The following SLC66A2 variants were observed in gnomAD, a reference collection of about 807,000 sequenced individuals.
The protein encoded by SLC66A2 is solute carrier family 66 member 2.
Under a neutral mutation model 25.5 loss-of-function variants are expected in SLC66A2, and 23 were observed. That is an observed-to-expected ratio of 0.90 (90% confidence interval 0.65 to 1.28). SLC66A2 has a LOEUF of 1.28. Ranked by LOEUF, SLC66A2 falls within the 50% of genes most tolerant of loss-of-function variation. The probability of loss-of-function intolerance (pLI) is 0.00; values close to 1 mark genes in which losing one functional copy is unlikely to be tolerated. For missense variants in SLC66A2, 396 were observed against 373.1 expected (o/e 1.06, Z -0.51); for synonymous variants, 193 against 166.5 (o/e 1.16, Z -1.23).
In SLC66A2 at chr18:79,918,105, C is replaced by T. The variant is rs756804961; in HGVS notation, c.608+1079G>A. Among the ~76,000 whole-genome samples the T allele has an allele frequency of 4.6e-5, 7 of 152,094 alleles. No homozygotes were observed. The highest frequency in any genetic ancestry group is 2.1e-4 in the South Asian group (1 of 4,822). ...CAAGCCCTCCTACCTTTACCTCTCA[C>T]GGGCAACTGAACCTACACACAACCC... is the stretch of plus-strand genomic sequence containing the variant. On this transcript the variant is annotated intron_variant, in intron 5 of 5. Coordinates refer to ENST00000397778, the MANE Select transcript of SLC66A2 (RefSeq NM_025078.5). The surrounding 1 kb of genome is among the most constrained non-coding windows in gnomAD (Gnocchi z 4.0).
At chr18:79,910,976 G>GCC (rs1983024697) in intron 5 of SLC66A2, among the ~76,000 whole-genome samples, 1 of 152,274 alleles carries the variant, frequency 6.6e-6, no homozygotes, top group Non-Finnish European at 1.5e-5. Flanking sequence ...AACTTGGAAT[G>GCC]CCCCTGGCTG....
At chr18:79,925,514 C>T (rs1985842709) in intron 4 of SLC66A2, among the ~76,000 whole-genome samples, 1 of 152,158 alleles carries the variant, frequency 6.6e-6, no homozygotes, top group Admixed American at 6.5e-5. Flanking sequence ...AGAGGCCCAC[C>T]CTGGCATGCA....
At chr18:79,914,588 G>T (rs532530553) in intron 5 of SLC66A2, among the ~76,000 whole-genome samples, 1 of 152,144 alleles carries the variant, frequency 6.6e-6, no homozygotes, top group Non-Finnish European at 1.5e-5. Context: ...CCCAAGCTGC[G>T]TCTGGAGAGC....
At chr18:79,923,321 C>T (rs1346663667) in intron 4 of SLC66A2, among the ~76,000 whole-genome samples, 13 of 129,126 alleles carry the variant, frequency 1.0e-4, no homozygotes, top group Admixed American at 6.8e-4. Context: ...GGATGGTGGA[C>T]GGGCAGGCAG....
rs550440082 is a variant in SLC66A2 at position 79,904,651 on chromosome 18, C to T, written c.609-468G>A. Among the ~76,000 whole-genome samples, 1 of 152,152 alleles carries T rather than the reference C, an allele frequency of 6.6e-6. No homozygotes were observed. The highest frequency in any genetic ancestry group is 2.4e-5 in the African/African-American group (1 of 41,432). ...GAGGACGCAGATCTGTGCCCCCAGG[C>T]ACACAGCCAAGTGGAGCAGAGCAGC... On this transcript the variant is annotated intron_variant, in intron 5 of 5. Coordinates refer to ENST00000397778, the MANE Select transcript of SLC66A2 (RefSeq NM_025078.5). This position sits in a 1 kb window ranked among gnomAD's most constrained non-coding sequence, Gnocchi z 6.3.
At chr18:79,946,265 G>C (rs1015656901) in intron 2 of SLC66A2, among the ~76,000 whole-genome samples, 1 of 152,122 alleles carries the variant, frequency 6.6e-6, no homozygotes, top group African/African-American at 2.4e-5. Context: ...ATTTCAAAAA[G>C]CACAGTGTTC....
rs370408593 is a variant in SLC66A2, at chr18:79,937,384, G to C, written c.338-3362C>G. Among the ~76,000 whole-genome samples, 1 of 152,172 alleles carries C rather than the reference G, an allele frequency of 6.6e-6. No individual in the cohort carries two copies. The highest frequency in any genetic ancestry group is 2.1e-4 in the South Asian group (1 of 4,826). On this transcript the variant is annotated intron_variant, in intron 3 of 5. Coordinates refer to ENST00000397778, the MANE Select transcript of SLC66A2 (RefSeq NM_025078.5). The surrounding 1 kb of genome is among the most constrained non-coding windows in gnomAD (Gnocchi z 5.4). ...GGGAAGAACTGGAGCATTAACAAGCGTAATAATCCAGTAACACACCAAACG... is the reference window on the plus strand; with the variant it reads ...GGGAAGAACTGGAGCATTAACAAGCCTAATAATCCAGTAACACACCAAACG...
chr18:79,912,582 G>A (rs550391676), intron 5 of SLC66A2, among the ~76,000 whole-genome samples: 8 of 152,174 alleles, frequency 5.3e-5, no homozygotes, highest in Non-Finnish European at 7.3e-5. Flanking sequence ...TGAAAGGCAA[G>A]CCCATGGAGA....
At chr18:79,906,420 A>G (rs1982136652) in intron 5 of SLC66A2, among the ~76,000 whole-genome samples, 1 of 152,188 alleles carries the variant, frequency 6.6e-6, no homozygotes. Context: ...AAATTTTGAT[A>G]TGGTGGTGTA....
rs1984702966 is a variant in SLC66A2, at chr18:79,919,369, G to C, written c.423C>G (p.Ser141Arg). The change falls in exon 5 of 6, where the codon AGC becomes AGG. Residue 141 changes from serine (S) to arginine (R), a missense_variant. By Grantham distance (110) the Ser-to-Arg change is moderately radical. Coordinates refer to ENST00000397778, the MANE Select transcript of SLC66A2 (RefSeq NM_025078.5). ...DFDPHHFWQW[S>R]SFSDYVQCVL... The stretch of plus-strand genomic sequence containing the variant: ...CGCACTGCACGTAGTCCGAGAAGCT[G>C]CTCCACTGCCAGAAGTGGTGGGGGT... 3.7e-6 allele frequency: 6 copies of C among 1,613,210 alleles called. No individual in the cohort carries two copies. The highest frequency in any genetic ancestry group is 5.1e-6 in the Non-Finnish European group (6 of 1,180,026).
intron 2 of SLC66A2, chr18:79,947,295 CAG>C (rs1246092541): frequency 6.6e-6 from 1 of 152,280 alleles, no homozygotes; most frequent in African/African-American, 2.4e-5. Flanking sequence ...TGGCATTCCA[CAG>C]AGTGTGATCT....
intron 2 of SLC66A2, among the ~76,000 whole-genome samples, chr18:79,949,169 A>G (rs1324903186): frequency 6.6e-6 from 1 of 152,054 alleles, no homozygotes; most frequent in African/African-American, 2.4e-5. Context: ...CGCTCACCTA[A>G]AAATCCCTGG....
rs562679569 is a variant in SLC66A2, at chr18:79,941,232, C to T, written c.337+2097G>A. 3.9e-5 allele frequency among the ~76,000 whole-genome samples: 6 copies of T among 152,308 alleles called. No individual in the cohort carries two copies. The South Asian group carries it at 1.0e-3, about 26-fold the overall frequency. Reference sequence around the variant, plus strand: ...GTCGGGGGCTCTGCTGCCTGTAAAGCGACGGCCGACCCATGGCAGAGAGCC... The same window carrying T: ...GTCGGGGGCTCTGCTGCCTGTAAAGTGACGGCCGACCCATGGCAGAGAGCC... On this transcript the variant is annotated intron_variant, in intron 3 of 5. Coordinates refer to ENST00000397778, the MANE Select transcript of SLC66A2 (RefSeq NM_025078.5). This position sits in a 1 kb window ranked among gnomAD's most constrained non-coding sequence, Gnocchi z 4.1.
At chr18:79,933,267 C>T (rs1048802580) in intron 4 of SLC66A2, among the ~76,000 whole-genome samples, 10 of 152,134 alleles carry the variant, frequency 6.6e-5, no homozygotes, top group Admixed American at 6.5e-5. Flanking sequence ...CCAACAAACT[C>T]GAATAAAAGG....
intron 5 of SLC66A2, among the ~76,000 whole-genome samples, chr18:79,905,199 T>C (rs1175048459): frequency 1.3e-5 from 2 of 152,212 alleles, no homozygotes; most frequent in African/African-American, 4.8e-5. Context: ...TTACACCCAC[T>C]GGGAAAAACC....
intron 4 of SLC66A2, among the ~76,000 whole-genome samples, chr18:79,928,484 C>T (rs1341079343): frequency 6.6e-6 from 1 of 152,204 alleles, no homozygotes; most frequent in Non-Finnish European, 1.5e-5. Flanking sequence ...AGGCTCTCCA[C>T]AGACCCTCTC....
intron 4 of SLC66A2, among the ~76,000 whole-genome samples, chr18:79,928,025 CAG>C (rs1365785187): frequency 1.3e-5 from 2 of 152,202 alleles, no homozygotes; most frequent in African/African-American, 4.8e-5. Context: ...CTCATTTGCT[CAG>C]AGTCTGCTCA....
intron 2 of SLC66A2, 95 bp from the exon 3 acceptor site, chr18:79,943,557 GCC>G: frequency 7.0e-7 from 1 of 1,429,888 alleles, no homozygotes; most frequent in Non-Finnish European, 9.5e-7. Flanking sequence ...CAGGAGGGAG[GCC>G]CACCCACGCC....
intron 5 of SLC66A2, among the ~76,000 whole-genome samples, chr18:79,909,647 C>T (rs1166928053): frequency 1.1e-4 from 15 of 131,662 alleles, no homozygotes; most frequent in African/African-American, 4.2e-4. Flanking sequence ...CCCACATCCT[C>T]ACCATAGAGT....
Sources: allele counts gnomAD v4.1 joint callset (sites outside exome capture counted in the v4.1 genomes callset), GRCh38; gene constraint gnomAD v4.1.1; non-coding constraint Gnocchi (gnomAD v3.1); transcripts MANE v1.5; gene names NCBI Gene and HGNC (gene_info 2026-07-23, HGNC 2026-07-21).